COL28A1: variants seen among roughly 807,000 people sequenced by gnomAD.
COL28A1 encodes collagen type XXVIII alpha 1 chain.
In COL28A1, 161 loss-of-function variants were observed where a neutral mutation model predicts 150.2. That is an observed-to-expected ratio of 1.07 (90% CI 0.94 to 1.22). COL28A1 has a LOEUF of 1.22. COL28A1 is among the 50% of genes most tolerant of loss of function. The pLI, the probability that COL28A1 is intolerant of heterozygous loss-of-function variation, is 0.00. For missense variants in COL28A1, 1,617 were observed against 1,388.3 expected, an observed-to-expected ratio of 1.16 and a Z score of -2.62; for synonymous variants, 552 against 469.7, an observed-to-expected ratio of 1.18 and a Z score of -2.26.
At chr7:7,526,269 G>A (rs1324348678) in intron 3 of COL28A1, among the ~76,000 whole-genome samples, 1 of 152,134 alleles carries the variant, frequency 6.6e-6, no homozygotes, top group Non-Finnish European at 1.5e-5. Context: ...ATGAAAAACT[G>A]TAAATAAAAT....
intron 27 of COL28A1, among the ~76,000 whole-genome samples, chr7:7,399,908 T>A (rs1783071672): frequency 6.6e-6 from 1 of 152,230 alleles, no homozygotes; most frequent in Admixed American, 6.5e-5. Context: ...GCTGCCAGTA[T>A]GCAATGCCAG....
At chr7:7,507,484 A>C (rs1052027350) in intron 9 of COL28A1, among the ~76,000 whole-genome samples, 21 of 152,214 alleles carry the variant, frequency 1.4e-4, no homozygotes, top group Admixed American at 1.4e-3. Context: ...TTGGAATATT[A>C]TTTCCTTCCG....
At chr7:7,410,757 T>A (rs1395303328) in intron 27 of COL28A1, among the ~76,000 whole-genome samples, 1 of 152,156 alleles carries the variant, frequency 6.6e-6, no homozygotes, top group Non-Finnish European at 1.5e-5. Flanking sequence ...TCTTCATAAT[T>A]AACACCATTG....
chr7:7,478,339 C>T (rs897313874), intron 13 of COL28A1, among the ~76,000 whole-genome samples: 3 of 152,196 alleles, frequency 2.0e-5, no homozygotes, highest in Non-Finnish European at 4.4e-5. Flanking sequence ...CATTCACAAA[C>T]CCTGAGCTAG....
chr7:7,461,827 G>A (rs1407885840), intron 15 of COL28A1, among the ~76,000 whole-genome samples: 1 of 152,040 alleles, frequency 6.6e-6, no homozygotes, highest in Non-Finnish European at 1.5e-5. Context: ...GAAGACAAAG[G>A]GCATATACTC....
intron 15 of COL28A1, among the ~76,000 whole-genome samples, chr7:7,473,486 A>G (rs985262891): frequency 3.3e-5 from 5 of 152,342 alleles, no homozygotes; most frequent in Non-Finnish European, 7.3e-5. Context: ...CCACAATGTG[A>G]TACCACCTTA....
intron 27 of COL28A1, among the ~76,000 whole-genome samples, chr7:7,381,953 T>C (rs1179242421): frequency 6.6e-6 from 1 of 152,192 alleles, no homozygotes; most frequent in Non-Finnish European, 1.5e-5. Context: ...CTATTTCAGC[T>C]ATGGTAGTAA....
the COL28A1 span, among the ~76,000 whole-genome samples, chr7:7,349,846 C>T: frequency 7.9e-5 from 12 of 151,960 alleles, no homozygotes; most frequent in East Asian, 1.5e-3. Flanking sequence ...AAAGAAAATG[C>T]GAGGTAGGGA....
At chr7:7,466,125 G>C (rs1000180824) in intron 15 of COL28A1, among the ~76,000 whole-genome samples, 2 of 136,386 alleles carry the variant, frequency 1.5e-5, no homozygotes, top group Non-Finnish European at 3.2e-5. Context: ...GAAGAGCTGA[G>C]AGAAGAAGGC....
intron 30 of COL28A1, among the ~76,000 whole-genome samples, chr7:7,377,847 G>A (rs2128287038): frequency 6.6e-6 from 1 of 150,806 alleles, no homozygotes; most frequent in East Asian, 1.9e-4. Context: ...GGCTGTGGTA[G>A]TAGTAATGGA....
At chr7:7,520,916 C>T (rs1238796547) in intron 5 of COL28A1, among the ~76,000 whole-genome samples, 1 of 152,152 alleles carries the variant, frequency 6.6e-6, no homozygotes, top group Non-Finnish European at 1.5e-5. Flanking sequence ...CTACTGGCTG[C>T]CCCACTATCA....
chr7:7,530,093 T>C (rs1448641036), intron 3 of COL28A1, among the ~76,000 whole-genome samples: 1 of 152,176 alleles, frequency 6.6e-6, no homozygotes, highest in Admixed American at 6.5e-5. Context: ...AATATTTTTT[T>C]AAAAAGCAGT....
intron 5 of COL28A1, among the ~76,000 whole-genome samples, chr7:7,520,469 T>C (rs995438311): frequency 1.3e-5 from 2 of 152,240 alleles, no homozygotes; most frequent in Non-Finnish European, 2.9e-5. Flanking sequence ...CCAATCTCTC[T>C]TCATTGTGGG....
intron 30 of COL28A1, among the ~76,000 whole-genome samples, chr7:7,379,461 T>C (rs1008829883): frequency 6.6e-6 from 1 of 152,152 alleles, no homozygotes; most frequent in Non-Finnish European, 1.5e-5. Context: ...TTGTCTGCTC[T>C]GGACCCCGAG....
At chr7:7,515,071 G>C (rs1781346957) in intron 8 of COL28A1, among the ~76,000 whole-genome samples, 1 of 152,134 alleles carries the variant, frequency 6.6e-6, no homozygotes, top group Non-Finnish European at 1.5e-5. Context: ...TAAAGTTCTA[G>C]CCTCTTTCTC....
At chr7:7,524,891 T>C (rs1386650309) in intron 3 of COL28A1, among the ~76,000 whole-genome samples, 2 of 152,168 alleles carry the variant, frequency 1.3e-5, no homozygotes, top group Non-Finnish European at 2.9e-5. Flanking sequence ...AATATGATAC[T>C]TTATTTACAG....
chr7:7,532,998 G>A (rs1583589873), intron 1 of COL28A1, 86 bp from the exon 2 acceptor site: 2 of 1,290,788 alleles, frequency 1.5e-6, no homozygotes, highest in East Asian at 2.7e-5. Flanking sequence ...GTTGAAAACT[G>A]GCATGTGACT....
At chr7:7,388,460 G>A (rs113079934) in intron 27 of COL28A1, among the ~76,000 whole-genome samples, 20 of 152,150 alleles carry the variant, frequency 1.3e-4, no homozygotes, top group Admixed American at 2.6e-4. Flanking sequence ...GAACAGCGCC[G>A]CGATAAACAT....
intron 25 of COL28A1, among the ~76,000 whole-genome samples, chr7:7,426,156 G>A (rs1435666772): frequency 6.6e-6 from 1 of 152,148 alleles, no homozygotes; most frequent in African/African-American, 2.4e-5. Flanking sequence ...GATGTTCCAA[G>A]GAATGGTACT....
Sources: allele counts gnomAD v4.1 joint callset (sites outside exome capture counted in the v4.1 genomes callset), GRCh38; gene constraint gnomAD v4.1.1; transcripts MANE v1.5; gene names NCBI Gene and HGNC (gene_info 2026-07-23, HGNC 2026-07-21).